Variants in SLC68A1 observed in about 807,000 individuals in gnomAD.
The protein encoded by SLC68A1 is major facilitator superfamily domain containing 13A.
the SLC68A1 span, chr10:102,469,207 G>C: frequency 6.2e-7 from 1 of 1,613,824 alleles, no homozygotes. Flanking sequence ...GGTAGGGCCA[G>C]TGCTGGGTGG....
At chr10:102,475,994 C>A in the SLC68A1 span, 1 of 1,566,640 alleles carries the variant, frequency 6.4e-7, no homozygotes, top group Non-Finnish European at 8.7e-7. Context: ...AGAGCTGTGG[C>A]AAGGTCACCC....
At chr10:102,470,116 C>T in the SLC68A1 span, 13 of 1,575,722 alleles carry the variant, frequency 8.3e-6, no homozygotes, top group African/African-American at 1.6e-4. Flanking sequence ...TTCAGTCCCA[C>T]CCTACTGCTA....
At chr10:102,470,660 G>T in the SLC68A1 span, 1 of 1,603,374 alleles carries the variant, frequency 6.2e-7, no homozygotes, top group South Asian at 1.1e-5. Context: ...TCCTTTCCCC[G>T]GCAGGTCAGG....
At chr10:102,476,075 G>GTTTT in the SLC68A1 span, 580 of 1,111,104 alleles carry the variant, frequency 5.2e-4, no homozygotes, top group South Asian at 7.1e-4. Context: ...GGATTTCATA[G>GTTTT]TTTTTTTTTT....
chr10:102,475,580 G>A, the SLC68A1 span: 2 of 929,280 alleles, frequency 2.2e-6, no homozygotes, highest in Non-Finnish European at 3.2e-6. Flanking sequence ...AAGAGTAGGA[G>A]AGGAGTGGGT....
the SLC68A1 span, chr10:102,470,202 T>G: frequency 4.6e-6 from 4 of 869,416 alleles, no homozygotes; most frequent in Non-Finnish European, 5.4e-6. Flanking sequence ...CCCATGGCTC[T>G]TCCCTTACTG....
chr10:102,475,711 T>G, the SLC68A1 span: 6 of 1,579,106 alleles, frequency 3.8e-6, no homozygotes, highest in East Asian at 1.4e-4. Context: ...TTCTGTGCTC[T>G]CTTGTCCTAG....
At chr10:102,476,191 C>T in the SLC68A1 span, 1 of 887,898 alleles carries the variant, frequency 1.1e-6, no homozygotes, top group Non-Finnish European at 1.6e-6. Flanking sequence ...CCTCAGCCTC[C>T]CGAGTAGGTG....
chr10:102,476,319 C>T, the SLC68A1 span: 9 of 277,950 alleles, frequency 3.2e-5, no homozygotes, highest in East Asian at 6.8e-4. Context: ...CAGCCCGCCT[C>T]GGCCTCCCAG....
chr10:102,464,225 C>T, the SLC68A1 span, among the ~76,000 whole-genome samples: 6 of 151,944 alleles, frequency 3.9e-5, no homozygotes, highest in African/African-American at 7.3e-5. Flanking sequence ...CCAAGGCGGG[C>T]GGATTGCTTG....
the SLC68A1 span, among the ~76,000 whole-genome samples, chr10:102,466,840 G>T: frequency 6.6e-6 from 1 of 152,224 alleles, no homozygotes; most frequent in Non-Finnish European, 1.5e-5. Flanking sequence ...AGGAATTGGA[G>T]TAAGTGACCC....
the SLC68A1 span, among the ~76,000 whole-genome samples, chr10:102,467,935 G>A: frequency 4.6e-5 from 7 of 152,154 alleles, no homozygotes; most frequent in African/African-American, 1.7e-4. Flanking sequence ...CTTATTACAG[G>A]CGTGAGCCAC....
chr10:102,464,683 G>C, the SLC68A1 span, among the ~76,000 whole-genome samples: 2 of 151,150 alleles, frequency 1.3e-5, no homozygotes, highest in Non-Finnish European at 1.5e-5. Flanking sequence ...CCAGCTACTC[G>C]GGTGGCTGAA....
the SLC68A1 span, chr10:102,473,933 T>A: frequency 6.2e-7 from 1 of 1,613,774 alleles, no homozygotes; most frequent in Non-Finnish European, 8.5e-7. Context: ...CACTCCTCTT[T>A]GGCATGGTTG....
the SLC68A1 span, chr10:102,469,229 GA>G: frequency 6.2e-7 from 1 of 1,611,712 alleles, no homozygotes; most frequent in Non-Finnish European, 8.5e-7. Context: ...TAACATGGAG[GA>G]GGGGGTGGGG....
the SLC68A1 span, among the ~76,000 whole-genome samples, chr10:102,467,314 G>T: frequency 6.6e-6 from 1 of 152,296 alleles, no homozygotes; most frequent in Admixed American, 6.5e-5. Context: ...GGGATTACAG[G>T]TGTGAGCCAC....
chr10:102,463,466 C>T, the SLC68A1 span, among the ~76,000 whole-genome samples: 1 of 152,018 alleles, frequency 6.6e-6, no homozygotes, highest in Non-Finnish European at 1.5e-5. Flanking sequence ...CCACCGCGCC[C>T]GGTATCAGCC....
the SLC68A1 span, chr10:102,462,154 C>G: frequency 6.6e-6 from 1 of 152,508 alleles, no homozygotes; most frequent in Non-Finnish European, 1.5e-5. Flanking sequence ...CCCCCCAACC[C>G]TGGTGCTAGA....
At chr10:102,473,667 C>T in the SLC68A1 span, 1 of 1,614,142 alleles carries the variant, frequency 6.2e-7, no homozygotes. Context: ...TCTTCCTGCT[C>T]AAGCTGGGAC....
Sources: gnomAD v4.1 joint callset for allele counts (sites outside exome capture counted in the v4.1 genomes callset) on GRCh38, gnomAD v4.1.1 for gene constraint, MANE v1.5 for transcripts, NCBI Gene and HGNC (gene_info 2026-07-23, HGNC 2026-07-21) for gene names.